SMYD3: variants seen among roughly 807,000 people sequenced by gnomAD.
The protein encoded by SMYD3 is SET and MYND domain containing 3.
A neutral mutation model predicts 57.7 loss-of-function variants in SMYD3; 36 were observed. The ratio of observed to expected loss-of-function variants is 0.62; its 90% CI spans 0.48 to 0.82. SMYD3 has a LOEUF of 0.82. SMYD3 is among the 40% of genes least tolerant of loss of function. The pLI, the probability that SMYD3 is intolerant of heterozygous loss-of-function variation, is 0.00. For missense variants in SMYD3, 515 were observed against 538.8 expected (o/e 0.96, Z 0.44); for synonymous variants, 211 against 195.0 (o/e 1.08, Z -0.68).
intron 10 of SMYD3, among the ~76,000 whole-genome samples, chr1:245,801,916 CAA>C (rs112887538): frequency 6.9e-6 from 1 of 144,774 alleles, no homozygotes; most frequent in Non-Finnish European, 1.5e-5. Context: ...ACCAAAACAC[CAA>C]AAAAAAAAAC....
At chr1:245,992,277 C>T (rs1307196108) in intron 5 of SMYD3, among the ~76,000 whole-genome samples, 1 of 147,702 alleles carries the variant, frequency 6.8e-6, no homozygotes, top group Non-Finnish European at 1.5e-5. Context: ...CACCAACTTA[C>T]AACTGAACCT....
chr1:246,275,862 T>C (rs531798556), intron 5 of SMYD3, among the ~76,000 whole-genome samples: 1 of 152,246 alleles, frequency 6.6e-6, no homozygotes, highest in Admixed American at 6.5e-5. Flanking sequence ...ACTCTGTTTT[T>C]TACTAGCCGT....
chr1:246,194,039 C>T (rs920205983), intron 5 of SMYD3, among the ~76,000 whole-genome samples: 6 of 152,084 alleles, frequency 3.9e-5, no homozygotes, highest in Non-Finnish European at 7.4e-5. Context: ...AAGAGAGGTA[C>T]GCTGTTTTTA....
chr1:246,352,157 A>AAAAAC (rs2065841209), intron 2 of SMYD3, among the ~76,000 whole-genome samples: 1 of 150,184 alleles, frequency 6.7e-6, no homozygotes, highest in Non-Finnish European at 1.5e-5. Context: ...AAAAAAAAAA[A>AAAAAC]AAAAAACATA....
chr1:246,459,441 G>A (rs1045143201), intron 1 of SMYD3, among the ~76,000 whole-genome samples: 1 of 150,812 alleles, frequency 6.6e-6, no homozygotes, highest in African/African-American at 2.4e-5. Context: ...TTTGTGGCAC[G>A]TCCCCCTTCA....
intron 5 of SMYD3, among the ~76,000 whole-genome samples, chr1:246,316,893 G>A (rs1349376960): frequency 2.0e-5 from 3 of 151,136 alleles, no homozygotes; most frequent in Admixed American, 6.6e-5. Flanking sequence ...TACTCGGGAG[G>A]CTGAGGCAGG....
chr1:246,337,464 C>T (rs1199095893), intron 2 of SMYD3, among the ~76,000 whole-genome samples: 2 of 152,120 alleles, frequency 1.3e-5, no homozygotes, highest in Non-Finnish European at 2.9e-5. Context: ...TTTGCACTCA[C>T]AAGAAACAAG....
rs190984480 is a variant in SMYD3 at position 245,749,558 on chromosome 1, T to C, written c.*5A>G. ...CACGCCGTATTTCCCTCTGACTGCG[T>C]TCCCTTAGGATGCTCTGATGTTGGC... is the stretch of plus-strand genomic sequence containing the variant. On this transcript the variant is annotated 3_prime_UTR_variant, in exon 12 of 12. Transcript: ENST00000490107. 1.0e-4 allele frequency: 164 copies of C among 1,612,028 alleles called. 3 individuals are homozygous for C. The East Asian group carries it at 2.1e-3, about 21-fold the overall frequency.
chr1:246,326,937 C>T (rs899895267), intron 5 of SMYD3: 2 of 473,630 alleles, frequency 4.2e-6, no homozygotes, highest in African/African-American at 4.0e-5. Flanking sequence ...AAAGCATACT[C>T]TTTCTTCCAA....
chr1:245,877,894 C>T (rs1205262605), intron 8 of SMYD3, among the ~76,000 whole-genome samples: 2 of 152,164 alleles, frequency 1.3e-5, no homozygotes, highest in Non-Finnish European at 2.9e-5. Flanking sequence ...AAGTCAACGC[C>T]ACGCAGGTGG....
chr1:246,249,893 T>A (rs1262456875), intron 5 of SMYD3, among the ~76,000 whole-genome samples: 1 of 152,238 alleles, frequency 6.6e-6, no homozygotes, highest in East Asian at 1.9e-4. Flanking sequence ...TATTAAACTT[T>A]ATCTCTTTTC....
chr1:246,295,744 A>C (rs987852514), intron 5 of SMYD3, among the ~76,000 whole-genome samples: 1 of 152,220 alleles, frequency 6.6e-6, no homozygotes, highest in African/African-American at 2.4e-5. Flanking sequence ...AATAAAATTA[A>C]AAGATTTTGA....
chr1:245,973,333 G>A (rs2058346334), intron 5 of SMYD3, among the ~76,000 whole-genome samples: 1 of 152,174 alleles, frequency 6.6e-6, no homozygotes, highest in Middle Eastern at 3.2e-3. Context: ...AATTTAGGAA[G>A]GCATATAATC....
At chr1:245,749,739 G>C in intron 11 of SMYD3, 75 bp from the exon 12 acceptor site, 1 of 1,144,998 alleles carries the variant, frequency 8.7e-7, no homozygotes. Context: ...TTTACCCCAT[G>C]ATGCCAGGGG....
intron 5 of SMYD3, among the ~76,000 whole-genome samples, chr1:245,999,422 T>G (rs1056768083): frequency 6.6e-6 from 1 of 152,140 alleles, no homozygotes; most frequent in Non-Finnish European, 1.5e-5. Context: ...TTTATTATTA[T>G]CCTCATTTTA....
intron 8 of SMYD3, among the ~76,000 whole-genome samples, chr1:245,899,080 C>A (rs1228405916): frequency 6.6e-6 from 1 of 152,138 alleles, no homozygotes; most frequent in Non-Finnish European, 1.5e-5. Flanking sequence ...GATGTAGACA[C>A]ATAATAAATA....
intron 10 of SMYD3, among the ~76,000 whole-genome samples, chr1:245,828,574 A>G (rs185336808): frequency 6.6e-6 from 1 of 152,316 alleles, no homozygotes; most frequent in Non-Finnish European, 1.5e-5. Flanking sequence ...AATTGTACAA[A>G]TTTATAGGGC....
At chr1:246,282,322 A>AAAAAAAAAAAAAAAAAAAG (rs2064464930) in intron 5 of SMYD3, among the ~76,000 whole-genome samples, 1 of 93,250 alleles carries the variant, frequency 1.1e-5, no homozygotes, top group Non-Finnish European at 2.3e-5. Context: ...AAAAAAAAAA[A>AAAAAAAAAAAAAAAAAAAG]AAAAAAAAAA....
At chr1:245,959,656 C>T (rs2057948841) in intron 5 of SMYD3, among the ~76,000 whole-genome samples, 1 of 152,174 alleles carries the variant, frequency 6.6e-6, no homozygotes, top group African/African-American at 2.4e-5. Flanking sequence ...AAGGTCTCTG[C>T]CAGCTCATCT....
Sources: allele counts gnomAD v4.1 joint callset (sites outside exome capture counted in the v4.1 genomes callset), GRCh38; gene constraint gnomAD v4.1.1; transcripts MANE v1.5; gene names NCBI Gene and HGNC (gene_info 2026-07-23, HGNC 2026-07-21).